USP47: variants seen among roughly 807,000 people sequenced by gnomAD.
USP47 encodes the protein ubiquitin specific peptidase 47, also known as ubiquitin carboxyl-terminal hydrolase 47.
USP47 carries 35 observed loss-of-function variants against 165.1 expected under a neutral mutation model. That is an observed-to-expected ratio of 0.21 (90% CI 0.16 to 0.28). USP47 has a LOEUF of 0.28. Ranked by LOEUF, USP47 falls within the 10% of genes least tolerant of loss-of-function variation. USP47 has a pLI of 1.00. For missense variants in USP47, 1,277 were observed against 1,607.4 expected (o/e 0.79, Z 3.52); for synonymous variants, 531 against 544.5 (o/e 0.98, Z 0.35).
intron 1 of USP47, among the ~76,000 whole-genome samples, chr11:11,857,929 C>T (rs184534363): frequency 7.9e-5 from 12 of 152,264 alleles, no homozygotes; most frequent in African/African-American, 2.6e-4. Flanking sequence ...TGATTGGTTG[C>T]TTTCCACAAC....
chr11:11,861,022 A>G (rs529169761), intron 1 of USP47, among the ~76,000 whole-genome samples: 3 of 152,214 alleles, frequency 2.0e-5, no homozygotes, highest in South Asian at 2.1e-4. Context: ...AGGTTTCTCA[A>G]TTTCTTTTTC....
Position 11,959,029 on chromosome 11 carries a change from G to A in USP47, c.*2854G>A, listed in dbSNP as rs1216880246. The A allele has an allele frequency of 6.6e-6, 1 of 152,218 alleles. No homozygotes were observed. The highest frequency in any genetic ancestry group is 2.4e-5 in the African/African-American group (1 of 41,446). 9.4% of individuals were successfully genotyped at this position (152,218 alleles called of 1,614,324 possible). A position where few individuals can be genotyped will look rare whatever the true frequency, so the allele number is the denominator to read the frequency against. On this transcript the variant is annotated 3_prime_UTR_variant, in exon 28 of 28. Coordinates refer to ENST00000527733, the MANE Select transcript of USP47 (RefSeq NM_001282659.2). ...CTAGAGGCCAAGAGAGCAGGAGAGA[G>A]CTACCAACTTACACTGTGGTTTAAG...
At position 11,955,169 on chromosome 11, in the gene USP47, C is replaced by T; in HGVS notation, c.3893+5C>T. On this transcript the variant is annotated splice_donor_5th_base_variant and intron_variant, in intron 27 of 27. Transcript: ENST00000527733. ...TGGTGCGGTCATATTTTATAGGTAA[C>T]ATTCACAATGTTTTTGTTGCTGTTA... 1 of 1,608,564 alleles carries T rather than the reference C, an allele frequency of 6.2e-7. No individual in the cohort carries two copies. Among genetic ancestry groups the T allele is most frequent in the Non-Finnish European group, 8.5e-7 (1 of 1,178,274 alleles).
At chr11:11,872,086 G>C (rs1850106245) in intron 1 of USP47, among the ~76,000 whole-genome samples, 1 of 152,192 alleles carries the variant, frequency 6.6e-6, no homozygotes, top group South Asian at 2.1e-4. Context: ...AGGTTAGGCT[G>C]AAACAGCTTG....
At chr11:11,944,190 A>T (rs1157031492) in intron 20 of USP47, among the ~76,000 whole-genome samples, 2 of 149,850 alleles carry the variant, frequency 1.3e-5, no homozygotes, top group African/African-American at 4.9e-5. Context: ...GCCAGGCCCT[A>T]TGTAACTGTT....
At chr11:11,928,058 T>G (rs1854381334) in intron 11 of USP47, among the ~76,000 whole-genome samples, 1 of 152,034 alleles carries the variant, frequency 6.6e-6, no homozygotes, top group South Asian at 2.1e-4. Flanking sequence ...GGAAGATAAT[T>G]ATGTTGGCTT....
chr11:11,858,937 T>C (rs1309555312), intron 1 of USP47, among the ~76,000 whole-genome samples: 1 of 152,244 alleles, frequency 6.6e-6, no homozygotes, highest in Non-Finnish European at 1.5e-5. Flanking sequence ...CAAACTCTTT[T>C]CTGAAATGGC....
At chr11:11,915,491 G>A (rs975824984) in intron 8 of USP47, among the ~76,000 whole-genome samples, 1 of 152,154 alleles carries the variant, frequency 6.6e-6, no homozygotes, top group African/African-American at 2.4e-5. Flanking sequence ...CATATACACA[G>A]GCAAATGAGT....
intron 11 of USP47, among the ~76,000 whole-genome samples, chr11:11,927,695 C>G (rs889220560): frequency 2.0e-5 from 3 of 152,022 alleles, no homozygotes; most frequent in African/African-American, 7.2e-5. Flanking sequence ...ATTTGTAATT[C>G]TGTTTGCTAG....
chr11:11,882,367 A>G (rs1216457750), intron 2 of USP47, among the ~76,000 whole-genome samples: 1 of 152,178 alleles, frequency 6.6e-6, no homozygotes, highest in Non-Finnish European at 1.5e-5. Context: ...CCACAGGAGA[A>G]TCAAAGATGT....
chr11:11,842,313 C>G, intron 1 of USP47, 89 bp downstream of exon 1: 1 of 1,444,452 alleles, frequency 6.9e-7, no homozygotes, highest in Non-Finnish European at 9.4e-7. Flanking sequence ...CGGGCCCGGC[C>G]GGGGTGCAGG....
intron 1 of USP47, among the ~76,000 whole-genome samples, chr11:11,867,184 G>A (rs1182758886): frequency 1.3e-5 from 2 of 152,132 alleles, no homozygotes; most frequent in Non-Finnish European, 2.9e-5. Flanking sequence ...GGCGTGAGCC[G>A]CTGTGCCTGG....
chr11:11,920,970 C>CT (rs1274885114), intron 10 of USP47, among the ~76,000 whole-genome samples: 2 of 151,554 alleles, frequency 1.3e-5, no homozygotes, highest in Non-Finnish European at 3.0e-5. Flanking sequence ...GTCTGTTTTC[C>CT]TTTTTTAGTT....
Position 11,842,013 on chromosome 11 carries a change from C to G in USP47, c.-173C>G. The stretch of plus-strand genomic sequence containing the variant: ...GTAGCGGCGGCGGCGGCGGCGGAGC[C>G]CTGGGTCGGTGTCTGCGCGCTGGTG... On this transcript the variant is annotated 5_prime_UTR_variant, in exon 1 of 28. Transcript: ENST00000527733. The G allele has an allele frequency of 4.3e-6, 3 of 700,412 alleles. No individual in the cohort carries two copies. Among genetic ancestry groups the G allele is most frequent in the Non-Finnish European group, 6.7e-6 (3 of 445,768 alleles). 43.4% of individuals were successfully genotyped at this position (700,412 alleles called of 1,614,324 possible). A position where few individuals can be genotyped will look rare whatever the true frequency, so the allele number is the denominator to read the frequency against.
At position 11,851,925 on chromosome 11, in the gene USP47, G is replaced by T. The variant is rs372442267; in HGVS notation, c.39+9701G>T. On this transcript the variant is annotated intron_variant, in intron 1 of 27. Transcript: ENST00000527733. ...TCTTCTTAGTGCATTATGTTGGTAG[G>T]GGGGCATGATGCTGATACGTACTAC... 1.7e-4 allele frequency among the ~76,000 whole-genome samples: 26 copies of T among 152,220 alleles called. No homozygotes were observed. The South Asian group carries it at 2.3e-3, about 13-fold the overall frequency.
intron 8 of USP47, among the ~76,000 whole-genome samples, chr11:11,914,643 A>G (rs928122679): frequency 1.1e-4 from 17 of 152,168 alleles, no homozygotes; most frequent in Non-Finnish European, 2.4e-4. Context: ...ACTCATATCT[A>G]GAATATATAA....
At chr11:11,948,257 G>A in intron 21 of USP47, 137 bp downstream of exon 21, 1 of 1,060,594 alleles carries the variant, frequency 9.4e-7, no homozygotes, top group Non-Finnish European at 1.3e-6. Context: ...AATTTGGGGG[G>A]TTTTTTGTTG....
rs1240288641 is a variant in USP47 at position 11,905,538 on chromosome 11, T to G, written c.959T>G (p.Phe320Cys). The G allele has an allele frequency of 6.2e-7, 1 of 1,606,060 alleles. No individual in the cohort carries two copies. Among genetic ancestry groups the G allele is most frequent in the Non-Finnish European group, 8.5e-7 (1 of 1,174,518 alleles). Residue 320 changes from phenylalanine to cysteine, a missense_variant, in exon 8 of 28, where the codon TTT becomes TGT. By Grantham distance (205) the Phe-to-Cys change is radical. This residue lies in a region of USP47 where 175 missense variants were observed against 295.8 expected (regional missense o/e 0.59). Transcript: ENST00000527733. ...VIRPYGSSQA[F>C]ASVEEALHAF... ...CGACCTTATGGGTCCAGCCAAGCAT[T>G]TGCTAGTGTGGTGTGTACCTTTCAC...
Position 11,854,270 on chromosome 11 carries a change from A to G in USP47, c.39+12046A>G, listed in dbSNP as rs760178224. Among the ~76,000 whole-genome samples, 14 of 146,962 alleles carry G rather than the reference A, an allele frequency of 9.5e-5. 1 individual carries two copies. The highest frequency in any genetic ancestry group is 4.8e-4 in the Admixed American group (7 of 14,638). ...ATTTGAAAAATTCTGCTTCTTTATT[A>G]TAAGTTATTTGTTATTTCAGTTAAT... is the stretch of plus-strand genomic sequence containing the variant. On this transcript the variant is annotated intron_variant, in intron 1 of 27. Coordinates refer to ENST00000527733, the MANE Select transcript of USP47 (RefSeq NM_001282659.2).
Sources: gnomAD v4.1 joint callset for allele counts (sites outside exome capture counted in the v4.1 genomes callset) on GRCh38, gnomAD v4.1.1 for gene constraint, gnomAD v4.1.1 regional missense constraint, MANE v1.5 for transcripts, NCBI Gene and HGNC (gene_info 2026-07-23, HGNC 2026-07-21) for gene names.